WDPCP: variants seen among roughly 807,000 people sequenced by gnomAD.
The protein encoded by WDPCP is WD repeat containing planar cell polarity effector, also known as WD repeat-containing and planar cell polarity effector protein fritz homolog.
WDPCP carries 71 observed loss-of-function variants against 93.1 expected under a neutral mutation model. The observed-to-expected ratio is 0.76, with a 90% confidence interval of 0.63 to 0.93. The LOEUF (loss-of-function observed/expected upper bound fraction) is 0.93, where lower values mean the gene tolerates loss of function less well. Among genes scored for constraint, WDPCP ranks in the 40% least tolerant of loss-of-function variants. The pLI, the probability that WDPCP is intolerant of heterozygous loss-of-function variation, is 0.00. For synonymous variants in WDPCP, 315 were observed against 315.0 expected (o/e 1.00, Z 0.00); for missense variants, 844 against 887.4 (o/e 0.95, Z 0.62).
At chr2:63,242,950 G>A (rs1679975894) in intron 14 of WDPCP, among the ~76,000 whole-genome samples, 1 of 152,068 alleles carries the variant, frequency 6.6e-6, no homozygotes, top group African/African-American at 2.4e-5. Flanking sequence ...AATAGATAAG[G>A]CCTAGTAATC....
Position 63,213,751 on chromosome 2 carries a change from G to A in WDPCP, c.1916-38919C>T, listed in dbSNP as rs191650999. Among the ~76,000 whole-genome samples the A allele has an allele frequency of 2.0e-5, 3 of 151,868 alleles. 1 individual carries two copies. In the East Asian group the frequency reaches 5.8e-4, roughly 29 times the overall value. Reference sequence around the variant, plus strand: ...GCAAGACTAATAAAGAAGAAAAGACGAAGAATTAAATAGACACAACAAAAA... The same window carrying A: ...GCAAGACTAATAAAGAAGAAAAGACAAAGAATTAAATAGACACAACAAAAA... On this transcript the variant is annotated intron_variant, in intron 14 of 17. Transcript: ENST00000272321.
At chr2:63,432,636 G>C (rs563036381) in intron 9 of WDPCP, among the ~76,000 whole-genome samples, 162 of 152,160 alleles carry the variant, frequency 1.1e-3, no homozygotes, top group Non-Finnish European at 1.9e-3. Context: ...CACTGGAAAG[G>C]CAGGCCAAGG....
intron 2 of WDPCP, among the ~76,000 whole-genome samples, chr2:63,799,529 G>C (rs891225975): frequency 6.6e-6 from 1 of 152,122 alleles, no homozygotes. Flanking sequence ...TCAATGGTTT[G>C]TACCAACATC....
intron 2 of WDPCP, among the ~76,000 whole-genome samples, chr2:63,699,070 C>T (rs1669007251): frequency 6.6e-6 from 1 of 152,124 alleles, no homozygotes; most frequent in Non-Finnish European, 1.5e-5. Context: ...ACACGGTTTC[C>T]CAGAGCTTGA....
At chr2:63,567,997 T>C (rs1707203493) in intron 1 of WDPCP, among the ~76,000 whole-genome samples, 1 of 152,184 alleles carries the variant, frequency 6.6e-6, no homozygotes, top group African/African-American at 2.4e-5. Flanking sequence ...GGGTATCCCA[T>C]AAAAAATAAT....
At chr2:63,780,478 T>C (rs910060163) in intron 2 of WDPCP, among the ~76,000 whole-genome samples, 8 of 152,218 alleles carry the variant, frequency 5.3e-5, no homozygotes, top group African/African-American at 7.2e-5. Context: ...GGATACCCTG[T>C]TAATGAACCA....
Position 63,700,173 on chromosome 2 carries a change from T to G in WDPCP, n.309-49335A>C, listed in dbSNP as rs561616134. On this transcript the variant is annotated intron_variant and non_coding_transcript_variant, in intron 2 of 4. Coordinates refer to the WDPCP transcript ENST00000467687. Reference sequence around the variant, plus strand: ...GGTGCACACCTGTAGTCCCAGCTACTTGAGAGGCTGAAGTGGGAGGATCAC... The same window carrying G: ...GGTGCACACCTGTAGTCCCAGCTACGTGAGAGGCTGAAGTGGGAGGATCAC... 6.0e-5 allele frequency among the ~76,000 whole-genome samples: 9 copies of G among 150,650 alleles called. No individual in the cohort carries two copies. The South Asian group carries it at 1.5e-3, about 25-fold the overall frequency.
intron 4 of WDPCP, among the ~76,000 whole-genome samples, chr2:63,485,719 T>C (rs1041535225): frequency 6.6e-6 from 1 of 151,886 alleles, no homozygotes; most frequent in Non-Finnish European, 1.5e-5. Flanking sequence ...GTTAAACATG[T>C]CTATTTTATC....
At chr2:63,763,690 T>C (rs917611684) in intron 2 of WDPCP, among the ~76,000 whole-genome samples, 10 of 152,200 alleles carry the variant, frequency 6.6e-5, no homozygotes, top group African/African-American at 2.4e-4. Context: ...AGTGAAATTA[T>C]GTAGAAAAAT....
At chr2:63,733,494 G>A (rs918783350) in intron 2 of WDPCP, among the ~76,000 whole-genome samples, 6 of 147,086 alleles carry the variant, frequency 4.1e-5, no homozygotes, top group African/African-American at 2.5e-5. Flanking sequence ...GAGCCACCGC[G>A]CCCGGCCGCC....
At chr2:63,648,689 T>G (rs2106634628) in intron 3 of WDPCP, among the ~76,000 whole-genome samples, 1 of 152,350 alleles carries the variant, frequency 6.6e-6, no homozygotes, top group South Asian at 2.1e-4. Flanking sequence ...TCCATTTTGT[T>G]GCACGAATAA....
At chr2:63,130,054 T>A (rs561171662) in intron 17 of WDPCP, among the ~76,000 whole-genome samples, 1 of 152,310 alleles carries the variant, frequency 6.6e-6, no homozygotes, top group Non-Finnish European at 1.5e-5. Flanking sequence ...TCTCCTGTTG[T>A]GTGGGTTGCC....
Position 63,566,593 on chromosome 2 carries a change from T to G in WDPCP, c.75+21604A>C, listed in dbSNP as rs568235133. Among the ~76,000 whole-genome samples the G allele has an allele frequency of 5.9e-5, 9 of 152,316 alleles. No homozygotes were observed. In the East Asian group the frequency reaches 1.7e-3, roughly 29 times the overall value. On this transcript the variant is annotated intron_variant, in intron 1 of 17. Transcript: ENST00000272321. ...CTTCCTAAATTAACTGAGACCTGTCTCAGATTTTCTGGGTTCACACTTCTG... is the reference window on the plus strand; with the variant it reads ...CTTCCTAAATTAACTGAGACCTGTCGCAGATTTTCTGGGTTCACACTTCTG...
intron 7 of WDPCP, among the ~76,000 whole-genome samples, chr2:63,439,404 T>A (rs1697351421): frequency 6.6e-6 from 1 of 152,146 alleles, no homozygotes; most frequent in Non-Finnish European, 1.5e-5. Flanking sequence ...ATATTTGTGT[T>A]ATTTATTCAA....
rs368507080 is a variant in WDPCP, at chr2:63,800,032, G to T, written n.308+13590C>A. 3.7e-4 allele frequency among the ~76,000 whole-genome samples: 57 copies of T among 152,230 alleles called. 1 individual carries two copies. The highest frequency in any genetic ancestry group is 6.8e-3 in the Middle Eastern group (2 of 294). On this transcript the variant is annotated intron_variant and non_coding_transcript_variant, in intron 2 of 4. Coordinates refer to the WDPCP transcript ENST00000467687. ...TATGTTCTTCCTTGGTTAAAAAAAA[G>T]TATTGGTCTATATAACTAATTGAAA... is the stretch of plus-strand genomic sequence containing the variant.
At chr2:63,430,216 T>C (rs761992705) in intron 9 of WDPCP, among the ~76,000 whole-genome samples, 10 of 152,016 alleles carry the variant, frequency 6.6e-5, no homozygotes, top group African/African-American at 1.2e-4. Context: ...TGGGGACTAA[T>C]AGTAGAGCAG....
At chr2:63,138,858 C>A (rs1371235924) in intron 17 of WDPCP, among the ~76,000 whole-genome samples, 1 of 152,074 alleles carries the variant, frequency 6.6e-6, no homozygotes, top group Non-Finnish European at 1.5e-5. Context: ...CCCCTTCCCA[C>A]TCTTCCCCCC....
chr2:63,715,936 G>A (rs1669331616), intron 2 of WDPCP, among the ~76,000 whole-genome samples: 1 of 152,186 alleles, frequency 6.6e-6, no homozygotes, highest in Non-Finnish European at 1.5e-5. Context: ...GATGTCACAC[G>A]AGGTCGAGGT....
the WDPCP span, among the ~76,000 whole-genome samples, chr2:63,834,759 A>C: frequency 6.6e-6 from 1 of 152,214 alleles, no homozygotes; most frequent in South Asian, 2.1e-4. Context: ...CAGATAATGG[A>C]ACACCTACCT....
Sources: gnomAD v4.1 joint callset for allele counts (sites outside exome capture counted in the v4.1 genomes callset) on GRCh38, gnomAD v4.1.1 for gene constraint, MANE v1.5 for transcripts, NCBI Gene and HGNC (gene_info 2026-07-23, HGNC 2026-07-21) for gene names.